Variants in NAV1 observed in about 807,000 individuals in gnomAD.
NAV1 encodes neuron navigator 1, also known as pore membrane and/or filament interacting like protein 3.
Under a neutral mutation model 175.2 loss-of-function variants are expected in NAV1, and 18 were observed. The observed-to-expected ratio is 0.10, with a 90% confidence interval of 0.07 to 0.15. The LOEUF (loss-of-function observed/expected upper bound fraction) is 0.15. Among genes scored for constraint, NAV1 ranks in the 10% least tolerant of loss-of-function variants. The pLI, the probability that NAV1 is intolerant of heterozygous loss-of-function variation, is 1.00. For synonymous variants in NAV1, 897 were observed against 978.7 expected (o/e 0.92, Z 1.56); for missense variants, 1,731 against 2,436.6 (o/e 0.71, Z 6.10).
chr1:201,598,480 G>A (rs756993238), intron 2 of NAV1, among the ~76,000 whole-genome samples: 1 of 152,190 alleles, frequency 6.6e-6, no homozygotes, highest in Non-Finnish European at 1.5e-5. Flanking sequence ...TGGGCCATGC[G>A]GCGTGGGGCC....
chr1:201,811,707 C>T lies in NAV1; in HGVS notation c.4902C>T (p.Gly1634=), dbSNP rs376541294. 7.4e-6 allele frequency: 12 copies of T among 1,612,030 alleles called. No individual in the cohort carries two copies. The African/African-American group carries it at 1.2e-4, about 16-fold the overall frequency. ...TATTGGATGACCTGAGTGAAGCAGG[C>T]TCCATCAGTGAGTTGGTCAATGGGG... is the stretch of plus-strand genomic sequence containing the variant. Residue 1634 remains glycine, a synonymous_variant, in exon 25 of 30, where the codon GGC becomes GGT. Coordinates refer to ENST00000367296, the Ensembl canonical transcript of NAV1.
At chr1:201,683,140 C>T (rs1381813753) in intron 1 of NAV1, among the ~76,000 whole-genome samples, 4 of 152,174 alleles carry the variant, frequency 2.6e-5, no homozygotes, top group Non-Finnish European at 5.9e-5. Context: ...GTTTCTTAGA[C>T]TTTCTTTGTT....
At chr1:201,779,537 G>T (rs1253149580) in intron 3 of NAV1, among the ~76,000 whole-genome samples, 1 of 147,300 alleles carries the variant, frequency 6.8e-6, no homozygotes, top group East Asian at 2.0e-4. Flanking sequence ...GGCGGAGGTT[G>T]CAGGGAGCTG....
chr1:201,764,310 TCA>T (rs1489245733), intron 3 of NAV1, among the ~76,000 whole-genome samples: 1 of 152,218 alleles, frequency 6.6e-6, no homozygotes, highest in African/African-American at 2.4e-5. Flanking sequence ...GTTTATTTTC[TCA>T]CAGTTCCGAA....
In NAV1 at chr1:201,804,459, T is replaced by C. The variant is rs749653116; in HGVS notation, c.3640-30T>C. The C allele has an allele frequency of 1.2e-5, 18 of 1,537,774 alleles. No homozygotes were observed. In the African/African-American group the frequency reaches 2.0e-4, roughly 17 times the overall value. ...GATTCTTTTTTTTTTTCCTTCAAAA[T>C]GCTGACTCCAAATCCCTATTTTTTT... On this transcript the variant is annotated intron_variant, in intron 16 of 29. Transcript: ENST00000367296.
chr1:201,692,579 G>A (rs1296324687), intron 1 of NAV1, among the ~76,000 whole-genome samples: 1 of 152,308 alleles, frequency 6.6e-6, no homozygotes, highest in East Asian at 1.9e-4. Context: ...TGGTGTCTGG[G>A]GAGCCATTTC....
chr1:201,605,015 A>G (rs1262315026), intron 2 of NAV1, among the ~76,000 whole-genome samples: 2 of 151,964 alleles, frequency 1.3e-5, no homozygotes, highest in Non-Finnish European at 2.9e-5. Context: ...AAACACAGCT[A>G]TGCAAATATA....
chr1:201,671,791 G>C (rs1212241539), intron 1 of NAV1, among the ~76,000 whole-genome samples: 3 of 152,176 alleles, frequency 2.0e-5, no homozygotes, highest in Non-Finnish European at 4.4e-5. Flanking sequence ...AGTTCCCATG[G>C]GGAACCATGC....
At chr1:201,777,230 A>G (rs1288311645) in intron 3 of NAV1, among the ~76,000 whole-genome samples, 1 of 152,240 alleles carries the variant, frequency 6.6e-6, no homozygotes, top group Non-Finnish European at 1.5e-5. Context: ...AGTTTAAGTC[A>G]GGTATAGAGA....
chr1:201,605,880 C>A (rs1196702563), intron 2 of NAV1, among the ~76,000 whole-genome samples: 1 of 152,154 alleles, frequency 6.6e-6, no homozygotes, highest in African/African-American at 2.4e-5. Context: ...CCCGTGAGAT[C>A]CCTGCTCTGT....
At chr1:201,668,888 C>T (rs1669935236) in intron 1 of NAV1, among the ~76,000 whole-genome samples, 1 of 152,148 alleles carries the variant, frequency 6.6e-6, no homozygotes, top group Non-Finnish European at 1.5e-5. Context: ...CTTCCTTTTC[C>T]TAACTCCTCT....
At chr1:201,623,933 G>A (rs971489954) in intron 1 of NAV1, among the ~76,000 whole-genome samples, 2 of 152,228 alleles carry the variant, frequency 1.3e-5, no homozygotes, top group African/African-American at 4.8e-5. Flanking sequence ...TTGGGATGTC[G>A]TGGAAGCTTA....
At position 201,813,823 on chromosome 1, in the gene NAV1, C is replaced by T. The variant is rs1035727892; in HGVS notation, c.5340+565C>T. 2.6e-5 allele frequency among the ~76,000 whole-genome samples: 4 copies of T among 151,664 alleles called. No homozygotes were observed. Among genetic ancestry groups the T allele is most frequent in the Non-Finnish European group, 5.9e-5 (4 of 67,914 alleles). On this transcript the variant is annotated intron_variant, in intron 28 of 29. Transcript: ENST00000367296. This position sits in a 1 kb window ranked among gnomAD's most constrained non-coding sequence, Gnocchi z 4.2. ...CTGTAATCCCAGCACTGTGGGAGGC[C>T]GAGGCGGGCAGATCACCAGGTCAGG...
chr1:201,796,517 AG>A (rs1445493935), intron 15 of NAV1: 2 of 152,148 alleles, frequency 1.3e-5, no homozygotes, highest in Non-Finnish European at 2.9e-5. Context: ...TAGTAGAGAC[AG>A]GGTTTCACCA....
At chr1:201,668,313 A>G (rs1422193581) in intron 1 of NAV1, among the ~76,000 whole-genome samples, 1 of 152,100 alleles carries the variant, frequency 6.6e-6, no homozygotes, top group Non-Finnish European at 1.5e-5. Flanking sequence ...TTGTACTCAA[A>G]CGGGAGTGAG....
chr1:201,805,452 G>A (rs1309274499), intron 17 of NAV1, among the ~76,000 whole-genome samples: 2 of 152,100 alleles, frequency 1.3e-5, no homozygotes, highest in African/African-American at 2.4e-5. Context: ...CACAGACACT[G>A]TCTGTGCAGA....
intron 13 of NAV1, 43 bp downstream of exon 17, chr1:201,790,809 A>T: frequency 6.2e-7 from 1 of 1,604,838 alleles, no homozygotes; most frequent in Non-Finnish European, 8.5e-7. Context: ...AGTTATTTTG[A>T]CTATCGTTAG....
intron 1 of NAV1, among the ~76,000 whole-genome samples, chr1:201,570,502 G>C (rs1430193006): frequency 6.6e-6 from 1 of 152,248 alleles, no homozygotes; most frequent in African/African-American, 2.4e-5. Flanking sequence ...CCTTATGCGA[G>C]AATAGAGGAT....
chr1:201,720,422 A>G (rs1672333836), intron 3 of NAV1, among the ~76,000 whole-genome samples: 1 of 152,168 alleles, frequency 6.6e-6, no homozygotes, highest in African/African-American at 2.4e-5. Context: ...GATGGAGGTG[A>G]CGGGGCCCCT....
Sources: gnomAD v4.1 joint callset for allele counts (sites outside exome capture counted in the v4.1 genomes callset) on GRCh38, gnomAD v4.1.1 for gene constraint, Gnocchi (gnomAD v3.1) non-coding constraint, MANE v1.5 for transcripts, NCBI Gene and HGNC (gene_info 2026-07-23, HGNC 2026-07-21) for gene names.